Variants in HDAC4 observed in about 807,000 individuals in gnomAD.
HDAC4 encodes histone deacetylase 4, also known as histone deacetylase A.
A neutral mutation model predicts 135.1 loss-of-function variants in HDAC4; 16 were observed. That is an observed-to-expected ratio of 0.12 (90% CI 0.08 to 0.18). The LOEUF is 0.18. Ranked by LOEUF, HDAC4 falls within the 10% of genes least tolerant of loss-of-function variation. The pLI is 1.00. For synonymous variants in HDAC4, 685 were observed against 653.4 expected (o/e 1.05, Z -0.74); for missense variants, 1,143 against 1,511.8 (o/e 0.76, Z 4.05).
At position 239,115,036 on chromosome 2, in the gene HDAC4, T is replaced by C. The variant is rs753105739; in HGVS notation, c.1791+17A>G. The C allele has an allele frequency of 6.2e-7, 1 of 1,607,658 alleles. No homozygotes were observed. The highest frequency in any genetic ancestry group is 8.5e-7 in the Non-Finnish European group (1 of 1,179,542). On this transcript the variant is annotated intron_variant, in intron 13 of 26. Transcript: ENST00000543185. This position sits in a 1 kb window ranked among gnomAD's most constrained non-coding sequence, Gnocchi z 6.3. The stretch of plus-strand genomic sequence containing the variant: ...TGTGCGTGCCAGCCTTCTGGTGCCC[T>C]CCCCGCCTGCGGTCACCTGTCTGAA...
chr2:239,269,785 A>C (rs2049959372), intron 2 of HDAC4, among the ~76,000 whole-genome samples: 1 of 152,248 alleles, frequency 6.6e-6, no homozygotes, highest in South Asian at 2.1e-4. Context: ...AGACACAGCA[A>C]ATCTTCCAAG....
rs1575664764 is a variant in HDAC4 at position 239,306,861 on chromosome 2, A to AAC, written c.22+45816_22+45817insGT. On this transcript the variant is annotated intron_variant, in intron 2 of 26. Transcript: ENST00000543185. The surrounding 1 kb of genome is among the most constrained non-coding windows in gnomAD (Gnocchi z 4.5). ...AGACAGGATCGAGAGAACCTTCTGG[A>AAC]AGGAGCTGCAGGGATGCATGGGGGC... Among the ~76,000 whole-genome samples the AAC allele has an allele frequency of 6.6e-6, 1 of 151,900 alleles. No homozygotes were observed. Among genetic ancestry groups the AAC allele is most frequent in the East Asian group, 1.9e-4 (1 of 5,134 alleles).
At chr2:239,100,750 G>T (rs998953978) in intron 16 of HDAC4, among the ~76,000 whole-genome samples, 5 of 152,162 alleles carry the variant, frequency 3.3e-5, no homozygotes, top group African/African-American at 1.2e-4. Flanking sequence ...ATCCACAGAG[G>T]GGTCTCCTGT....
chr2:239,103,047 G>T, intron 15 of HDAC4, 151 bp from the exon 16 acceptor site: 1 of 827,078 alleles, frequency 1.2e-6, no homozygotes, highest in Non-Finnish European at 1.9e-6. Flanking sequence ...AAAAGAAGAA[G>T]CAACATCACC....
chr2:239,110,015 G>A (rs994714596), intron 14 of HDAC4, among the ~76,000 whole-genome samples: 5 of 152,210 alleles, frequency 3.3e-5, no homozygotes, highest in Admixed American at 3.3e-4. Flanking sequence ...GTGGCTAAAG[G>A]AACGCACTGC....
intron 16 of HDAC4, among the ~76,000 whole-genome samples, chr2:239,097,835 G>C (rs2037250805): frequency 6.6e-6 from 1 of 152,204 alleles, no homozygotes; most frequent in African/African-American, 2.4e-5. Flanking sequence ...CCTTGGAAGG[G>C]CGGTCATGGC....
At position 239,068,377 on chromosome 2, in the gene HDAC4, A is replaced by T; in HGVS notation, c.2869+112T>A. 1.3e-6 allele frequency: 1 copy of T among 795,402 alleles called. No homozygotes were observed. Among genetic ancestry groups the T allele is most frequent in the Non-Finnish European group, 2.2e-6 (1 of 460,412 alleles). The allele number at this position is 795,402 out of a possible 1,614,324, so 49.3% of individuals were successfully genotyped here. On this transcript the variant is annotated intron_variant, in intron 23 of 26. Coordinates refer to ENST00000543185, the MANE Select transcript of HDAC4 (RefSeq NM_001378414.1). This position sits in a 1 kb window ranked among gnomAD's most constrained non-coding sequence, Gnocchi z 4.4. ...TACGGTCAGAACCTTGGTCATTAGT[A>T]AAAAGGTGCCCTTCCTTATCTCGTT...
chr2:239,374,899 G>A (rs993226693), intron 1 of HDAC4, among the ~76,000 whole-genome samples: 3 of 152,184 alleles, frequency 2.0e-5, no homozygotes, highest in Admixed American at 6.5e-5. Context: ...GAAGGGCAGC[G>A]TGCAAATCGG....
At chr2:239,073,466 C>T (rs556539878) in intron 22 of HDAC4, among the ~76,000 whole-genome samples, 23 of 152,216 alleles carry the variant, frequency 1.5e-4, no homozygotes, top group Non-Finnish European at 2.8e-4. Flanking sequence ...TTGTGGTGCC[C>T]AAGACAGGAC....
intron 3 of HDAC4, among the ~76,000 whole-genome samples, chr2:239,200,107 T>G (rs1477197969): frequency 6.6e-6 from 1 of 152,228 alleles, no homozygotes; most frequent in Non-Finnish European, 1.5e-5. Flanking sequence ...GACCACAGTC[T>G]GGAGACTGGG....
chr2:239,279,693 G>A lies in HDAC4; in HGVS notation c.23-43029C>T, dbSNP rs574392457. On this transcript the variant is annotated intron_variant, in intron 2 of 26. Coordinates refer to ENST00000543185, the MANE Select transcript of HDAC4 (RefSeq NM_001378414.1). ...TCCCACAAATGAAGGTCTCCTGAGA[G>A]CAGGGGACCTGGGGACAAGAACCAG... 5.9e-5 allele frequency among the ~76,000 whole-genome samples: 9 copies of A among 152,330 alleles called. No individual in the cohort carries two copies. The East Asian group carries it at 1.4e-3, about 23-fold the overall frequency.
At chr2:239,277,088 C>CTCTT (rs34684738) in intron 2 of HDAC4, among the ~76,000 whole-genome samples, 63,106 of 151,794 alleles carry the variant, frequency 0.42, 13,850 homozygotes, top group African/African-American at 0.55. Flanking sequence ...TTTTGCAATT[C>CTCTT]TCTTAACCAT....
At chr2:239,296,583 G>C (rs139743392) in intron 2 of HDAC4, among the ~76,000 whole-genome samples, 1 of 152,158 alleles carries the variant, frequency 6.6e-6, no homozygotes, top group Non-Finnish European at 1.5e-5. Flanking sequence ...GAGAAACTGC[G>C]CTGTTTTCTT....
Position 239,060,512 on chromosome 2 carries a change from C to A in HDAC4, c.3004-5679G>T, listed in dbSNP as rs557537541. On this transcript the variant is annotated intron_variant, in intron 24 of 26. Transcript: ENST00000543185. ...CAGATGCGGGGCTGCTCTGCCGTGG[C>A]GGTCATGAGGAAGGGACCCTGGAGC... Among the ~76,000 whole-genome samples the A allele has an allele frequency of 2.6e-5, 4 of 152,306 alleles. No individual in the cohort carries two copies. The South Asian group carries it at 8.3e-4, about 32-fold the overall frequency.
chr2:239,236,562 G>C (rs372737919), intron 3 of HDAC4, 31 bp downstream of exon 3: 24 of 1,536,714 alleles, frequency 1.6e-5, no homozygotes, highest in Non-Finnish European at 1.9e-5. Context: ...GCGCAGGGCC[G>C]GCCGGACAGG....
chr2:239,145,633 C>G (rs1476011485), intron 7 of HDAC4, among the ~76,000 whole-genome samples: 1 of 152,252 alleles, frequency 6.6e-6, no homozygotes, highest in Non-Finnish European at 1.5e-5. Flanking sequence ...GTGTGTCACA[C>G]AAGCCTTTGA....
chr2:239,310,597 G>C (rs1012011171), intron 2 of HDAC4, among the ~76,000 whole-genome samples: 2 of 152,208 alleles, frequency 1.3e-5, no homozygotes, highest in African/African-American at 4.8e-5. Flanking sequence ...GGCAGACCCA[G>C]GCTGGCAGGG....
At position 239,139,355 on chromosome 2, in the gene HDAC4, T is replaced by G. The variant is rs1040636156; in HGVS notation, c.978+329A>C. 6.6e-6 allele frequency among the ~76,000 whole-genome samples: 1 copy of G among 152,168 alleles called. No individual in the cohort carries two copies. The highest frequency in any genetic ancestry group is 2.4e-5 in the African/African-American group (1 of 41,434). On this transcript the variant is annotated intron_variant, in intron 9 of 26. Coordinates refer to ENST00000543185, the MANE Select transcript of HDAC4 (RefSeq NM_001378414.1). The surrounding 1 kb of genome is among the most constrained non-coding windows in gnomAD (Gnocchi z 5.3). Reference sequence around the variant, plus strand: ...CTGGGCAGCAGGGATCCTGTCCACCTAGAGCACCTGCCATGCGTGGGCTTG... The same window carrying G: ...CTGGGCAGCAGGGATCCTGTCCACCGAGAGCACCTGCCATGCGTGGGCTTG...
chr2:239,278,517 A>C (rs1475489869), intron 2 of HDAC4, among the ~76,000 whole-genome samples: 1 of 152,172 alleles, frequency 6.6e-6, no homozygotes, highest in Non-Finnish European at 1.5e-5. Flanking sequence ...CTCTACTAAA[A>C]GACAAAAATT....
Sources: gnomAD v4.1 joint callset for allele counts (sites outside exome capture counted in the v4.1 genomes callset) on GRCh38, gnomAD v4.1.1 for gene constraint, Gnocchi (gnomAD v3.1) non-coding constraint, MANE v1.5 for transcripts, NCBI Gene and HGNC (gene_info 2026-07-23, HGNC 2026-07-21) for gene names.